The following CTNND2 variants were observed in gnomAD, a reference collection of about 807,000 sequenced individuals.
CTNND2 encodes catenin delta-2.
Under a neutral mutation model 144.4 loss-of-function variants are expected in CTNND2, and 22 were observed. The observed-to-expected ratio is 0.15, with a 90% CI of 0.11 to 0.22. The LOEUF is 0.22. CTNND2 is among the 10% of genes least tolerant of loss of function. The probability of loss-of-function intolerance (pLI) is 1.00; values close to 1 mark genes in which losing one functional copy is unlikely to be tolerated. For missense variants in CTNND2, 1,353 were observed against 1,618.8 expected (o/e 0.84, Z 2.82); for synonymous variants, 751 against 695.6 (o/e 1.08, Z -1.25).
intron 3 of CTNND2, among the ~76,000 whole-genome samples, chr5:11,534,771 C>G (rs1774061690): frequency 6.6e-6 from 1 of 152,164 alleles, no homozygotes; most frequent in Non-Finnish European, 1.5e-5. Context: ...TGAGAGCTGT[C>G]TGTGAGCTAA....
chr5:11,301,711 T>C (rs181853136), intron 9 of CTNND2, among the ~76,000 whole-genome samples: 2 of 152,266 alleles, frequency 1.3e-5, no homozygotes, highest in African/African-American at 2.4e-5. Context: ...GGTGAAAACA[T>C]ATTTTGTGTT....
chr5:11,144,745 T>C (rs1171851610), intron 12 of CTNND2, among the ~76,000 whole-genome samples: 1 of 152,148 alleles, frequency 6.6e-6, no homozygotes, highest in Non-Finnish European at 1.5e-5. Flanking sequence ...CAAGCTGAGA[T>C]GATCTAGGAG....
At chr5:11,569,534 T>C (rs540512782) in intron 2 of CTNND2, among the ~76,000 whole-genome samples, 2 of 152,272 alleles carry the variant, frequency 1.3e-5, no homozygotes, top group East Asian at 3.9e-4. Flanking sequence ...TGTTTTTAAG[T>C]AGATAAAAGC....
chr5:11,144,697 C>T (rs566869786), intron 12 of CTNND2, among the ~76,000 whole-genome samples: 4 of 152,142 alleles, frequency 2.6e-5, no homozygotes, highest in East Asian at 1.9e-4. Context: ...CTCAAGGGAC[C>T]GCCGTCTCAC....
chr5:11,831,773 TAAC>T lies in CTNND2; in HGVS notation c.37+72041_37+72043del, dbSNP rs557770737. Among the ~76,000 whole-genome samples, 521 of 152,194 alleles carry T rather than the reference TAAC, an allele frequency of 3.4e-3. 2 individuals are homozygous for T. Among genetic ancestry groups the T allele is most frequent in the Middle Eastern group, 0.024 (7 of 294 alleles). The stretch of plus-strand genomic sequence containing the variant: ...TTCACTGGAGATAGGAAAGTCTTCC[TAAC>T]AACTGATGGTAAAACAACTGGACAT... On this transcript the variant is annotated intron_variant, in intron 1 of 21. Transcript: ENST00000304623.
intron 1 of CTNND2, among the ~76,000 whole-genome samples, chr5:11,816,138 T>C (rs1353597980): frequency 2.0e-5 from 3 of 152,170 alleles, no homozygotes; most frequent in African/African-American, 7.2e-5. Context: ...GCCTCCTGTC[T>C]GGAGAAACCT....
chr5:11,684,381 C>T lies in CTNND2; in HGVS notation c.174+47755G>A, dbSNP rs535003434. Among the ~76,000 whole-genome samples, 15 of 152,132 alleles carry T rather than the reference C, an allele frequency of 9.9e-5. No individual in the cohort carries two copies. The East Asian group carries it at 1.4e-3, about 14-fold the overall frequency. ...CCTCCCAAAGTGCTGGGATTACAGG[C>T]GTGAGCCACCGCAGCCGGCCTACAT... On this transcript the variant is annotated intron_variant, in intron 2 of 21. Coordinates refer to ENST00000304623, the MANE Select transcript of CTNND2 (RefSeq NM_001332.4).
chr5:11,667,222 A>G (rs1218697153), intron 2 of CTNND2, among the ~76,000 whole-genome samples: 4 of 152,186 alleles, frequency 2.6e-5, no homozygotes. Flanking sequence ...TGCCGCAATA[A>G]ACATACGTGT....
At chr5:11,898,733 A>C (rs937012147) in intron 1 of CTNND2, among the ~76,000 whole-genome samples, 1 of 152,224 alleles carries the variant, frequency 6.6e-6, no homozygotes, top group African/African-American at 2.4e-5. Context: ...TTTTATCATA[A>C]CATGTATTTT....
chr5:11,357,274 A>T (rs1164893195), intron 8 of CTNND2, among the ~76,000 whole-genome samples: 1 of 152,174 alleles, frequency 6.6e-6, no homozygotes, highest in African/African-American at 2.4e-5. Context: ...ATAGGGAATC[A>T]ACCTATGTGT....
chr5:11,039,204 A>G (rs1341716705), intron 16 of CTNND2, among the ~76,000 whole-genome samples: 2 of 152,210 alleles, frequency 1.3e-5, no homozygotes, highest in African/African-American at 4.8e-5. Flanking sequence ...CATCTCTGAC[A>G]TTGGCAATAC....
chr5:11,103,901 C>T (rs1752158820), intron 14 of CTNND2, among the ~76,000 whole-genome samples: 1 of 152,152 alleles, frequency 6.6e-6, no homozygotes, highest in African/African-American at 2.4e-5. Context: ...ATCTCCAATG[C>T]ACTGGGCTGG....
intron 21 of CTNND2, among the ~76,000 whole-genome samples, chr5:10,980,429 C>A (rs543606927): frequency 1.3e-5 from 2 of 152,152 alleles, no homozygotes; most frequent in South Asian, 4.1e-4. Flanking sequence ...GAAATAGGAA[C>A]GCTTTTACAC....
At chr5:11,353,067 T>A (rs1187237544) in intron 8 of CTNND2, among the ~76,000 whole-genome samples, 1 of 151,556 alleles carries the variant, frequency 6.6e-6, no homozygotes, top group Non-Finnish European at 1.5e-5. Context: ...ACAGTCTTTT[T>A]TTTTTTTTTT....
At chr5:11,419,075 G>C (rs1172431615) in intron 3 of CTNND2, among the ~76,000 whole-genome samples, 2 of 150,322 alleles carry the variant, frequency 1.3e-5, no homozygotes, top group Admixed American at 1.3e-4. Context: ...TATATAGAGA[G>C]AGAGAGAATA....
At chr5:11,195,363 T>G (rs956470480) in intron 11 of CTNND2, among the ~76,000 whole-genome samples, 3 of 152,184 alleles carry the variant, frequency 2.0e-5, no homozygotes, top group African/African-American at 7.2e-5. Context: ...TTTCAGGAAC[T>G]TATGAGAGAG....
At chr5:11,097,281 G>C (rs1441721708) in intron 15 of CTNND2, among the ~76,000 whole-genome samples, 4 of 152,178 alleles carry the variant, frequency 2.6e-5, no homozygotes, top group Non-Finnish European at 5.9e-5. Flanking sequence ...TCTCTTTCCT[G>C]CTCCTGTAAG....
chr5:11,469,773 C>T (rs1227055564), intron 3 of CTNND2, among the ~76,000 whole-genome samples: 2 of 152,068 alleles, frequency 1.3e-5, no homozygotes, highest in Non-Finnish European at 2.9e-5. Flanking sequence ...TCCAATGCTC[C>T]ATTTTCATCT....
chr5:11,017,603 CAT>C (rs55835829), intron 18 of CTNND2, among the ~76,000 whole-genome samples: 40,752 of 99,678 alleles, frequency 0.41, 6,267 homozygotes, highest in South Asian at 0.53. Context: ...TATATCTTTC[CAT>C]ATATATATAT....
Sources: gnomAD v4.1 joint callset for allele counts (sites outside exome capture counted in the v4.1 genomes callset) on GRCh38, gnomAD v4.1.1 for gene constraint, MANE v1.5 for transcripts, NCBI Gene and HGNC (gene_info 2026-07-23, HGNC 2026-07-21) for gene names.